The following FAAH2 variants were observed in gnomAD, a reference collection of about 807,000 sequenced individuals.
FAAH2 encodes fatty-acid amide hydrolase 2.
FAAH2 carries 60 observed loss-of-function variants against 36.9 expected under a neutral mutation model. The ratio of observed to expected loss-of-function variants is 1.63; its 90% CI spans 1.32 to 2.02. The LOEUF is 2.02. Among genes scored for constraint, FAAH2 ranks in the 30% most tolerant of loss-of-function variants. FAAH2 has a pLI of 0.00. For synonymous variants in FAAH2, 214 were observed against 143.8 expected (o/e 1.49, Z -3.49); for missense variants, 689 against 397.5 (o/e 1.73, Z -6.23).
chrX:57,228,299 G>A, the FAAH2 span, among the ~76,000 whole-genome samples: 1 of 111,323 alleles, frequency 9.0e-6, no homozygotes, highest in Non-Finnish European at 1.9e-5. Context: ...TGGGGATCCA[G>A]CGAGCTCCCA....
At chrX:57,322,842 T>A (rs2053073722) in intron 3 of FAAH2, among the ~76,000 whole-genome samples, 1 of 111,309 alleles carries the variant, frequency 9.0e-6, no homozygotes, top group African/African-American at 3.3e-5. Flanking sequence ...TTTCCTTTTT[T>A]TTAATTATAC....
At chrX:57,378,889 A>G in intron 6 of FAAH2, 103 bp downstream of exon 6, 1 of 994,977 alleles carries the variant, frequency 1.0e-6, no homozygotes, top group Non-Finnish European at 1.4e-6. Context: ...CAAGCAAATA[A>G]TTTTTACAGG....
chrX:57,460,599 G>C (rs2056941112), intron 10 of FAAH2, among the ~76,000 whole-genome samples: 1 of 111,702 alleles, frequency 9.0e-6, no homozygotes, highest in Non-Finnish European at 1.9e-5. Flanking sequence ...ACAAGCAAAT[G>C]CTCAGGGATT....
chrX:57,239,914 G>T, the FAAH2 span, among the ~76,000 whole-genome samples: 7 of 111,687 alleles, frequency 6.3e-5, no homozygotes, highest in Non-Finnish European at 1.1e-4. Context: ...TGGCTATTTT[G>T]TCTTTCAGTT....
At chrX:57,352,031 T>G (rs1485311782) in intron 5 of FAAH2, among the ~76,000 whole-genome samples, 1 of 9,421 alleles carries the variant, frequency 1.1e-4, no homozygotes, top group African/African-American at 1.2e-4. Context: ...TATATATATA[T>G]ATATACATAT....
the FAAH2 span, among the ~76,000 whole-genome samples, chrX:57,188,495 T>TA: frequency 2.3e-3 from 251 of 110,118 alleles, no homozygotes; most frequent in Non-Finnish European, 3.8e-3. Context: ...TTGTTAATCT[T>TA]AAAAAAAACA....
intron 10 of FAAH2, among the ~76,000 whole-genome samples, chrX:57,464,518 C>CAA (rs5902566): frequency 0.029 from 1,748 of 60,526 alleles, 33 homozygotes; most frequent in Middle Eastern, 0.043. Context: ...ATAGCAATTG[C>CAA]AAAAAAAAAA....
chrX:57,210,879 A>G, the FAAH2 span, among the ~76,000 whole-genome samples: 1 of 112,808 alleles, frequency 8.9e-6, no homozygotes, highest in Admixed American at 9.4e-5. Flanking sequence ...ATGTCCTTTA[A>G]ATAATATGTG....
chrX:57,399,719 G>A (rs1313835133), intron 7 of FAAH2, among the ~76,000 whole-genome samples: 1 of 112,290 alleles, frequency 8.9e-6, no homozygotes, highest in African/African-American at 3.2e-5. Flanking sequence ...TTTGATAGGT[G>A]TTCCTTCAGA....
intron 8 of FAAH2, among the ~76,000 whole-genome samples, chrX:57,432,294 C>A (rs1449364374): frequency 2.7e-5 from 3 of 111,298 alleles, no homozygotes; most frequent in Non-Finnish European, 5.7e-5. Context: ...TCTCCCAAAT[C>A]TTGAATGATT....
chrX:57,321,300 A>C (rs1353036902), intron 3 of FAAH2, among the ~76,000 whole-genome samples: 1 of 109,503 alleles, frequency 9.1e-6, no homozygotes, highest in Non-Finnish European at 1.9e-5. Context: ...CAGGGAGGGG[A>C]CCATCACACA....
chrX:57,467,987 G>T (rs1232045335), intron 10 of FAAH2, among the ~76,000 whole-genome samples: 4 of 111,974 alleles, frequency 3.6e-5, no homozygotes, highest in Non-Finnish European at 7.5e-5. Context: ...AAGGCAAACA[G>T]GGTCTGGAGT....
chrX:57,340,907 T>A (rs2053670317), intron 4 of FAAH2, among the ~76,000 whole-genome samples: 1 of 110,374 alleles, frequency 9.1e-6, no homozygotes, highest in South Asian at 3.9e-4. Flanking sequence ...CGCATATACC[T>A]GTGTAGCAAA....
intron 2 of FAAH2, among the ~76,000 whole-genome samples, chrX:57,303,255 T>C (rs760146571): frequency 8.9e-6 from 1 of 111,863 alleles, no homozygotes; most frequent in East Asian, 2.8e-4. Flanking sequence ...GCTGATAACA[T>C]CAGTATTGGT....
chrX:57,453,433 A>AGG (rs1235092294), intron 10 of FAAH2, among the ~76,000 whole-genome samples: 1 of 112,092 alleles, frequency 8.9e-6, no homozygotes. Flanking sequence ...CTTCTTTCTG[A>AGG]ACTCTGCCAG....
At chrX:57,438,665 T>C (rs1448504296) in intron 8 of FAAH2, among the ~76,000 whole-genome samples, 1 of 109,935 alleles carries the variant, frequency 9.1e-6, no homozygotes, top group Non-Finnish European at 1.9e-5. Context: ...GTTTGTTACA[T>C]ATGTATACAT....
chrX:57,475,169 C>G (rs376987761), intron 10 of FAAH2, among the ~76,000 whole-genome samples: 3 of 111,572 alleles, frequency 2.7e-5, no homozygotes, highest in Non-Finnish European at 5.6e-5. Context: ...ATGCTAATTT[C>G]TTTTGCTGAG....
At chrX:57,469,650 G>T (rs1194345206) in intron 10 of FAAH2, among the ~76,000 whole-genome samples, 1 of 111,319 alleles carries the variant, frequency 9.0e-6, no homozygotes, top group African/African-American at 3.3e-5. Context: ...AATAATAATG[G>T]GAGACTTTAA....
At chrX:57,278,558 A>G in the FAAH2 span, among the ~76,000 whole-genome samples, 2 of 111,670 alleles carry the variant, frequency 1.8e-5, no homozygotes, top group South Asian at 3.8e-4. Flanking sequence ...AGCAATGGCA[A>G]CAAAAGCCAA....
Sources: allele counts gnomAD v4.1 joint callset (sites outside exome capture counted in the v4.1 genomes callset), GRCh38; gene constraint gnomAD v4.1.1; transcripts MANE v1.5; gene names NCBI Gene and HGNC (gene_info 2026-07-23, HGNC 2026-07-21).